The following PHF14 variants were observed in gnomAD, a reference collection of about 807,000 sequenced individuals.
PHF14 encodes PHD finger protein 14.
Under a neutral mutation model 117.9 loss-of-function variants are expected in PHF14, and 55 were observed. The ratio of observed to expected loss-of-function variants is 0.47; its 90% CI spans 0.38 to 0.58. The LOEUF (loss-of-function observed/expected upper bound fraction) is 0.58. Among genes scored for constraint, PHF14 ranks in the 20% least tolerant of loss-of-function variants. PHF14 has a pLI of 0.00. For missense variants in PHF14, 978 were observed against 1,122.2 expected (o/e 0.87, Z 1.84); for synonymous variants, 409 against 368.6 (o/e 1.11, Z -1.26).
intron 16 of PHF14, chr7:11,110,636 T>A: frequency 2.2e-6 from 1 of 451,274 alleles, no homozygotes; most frequent in Non-Finnish European, 2.9e-6. Flanking sequence ...TAGGAAGTAC[T>A]TTGTAAAACC....
At position 11,148,070 on chromosome 7, in the gene PHF14, A is replaced by G. The variant is rs551734624; in HGVS notation, c.2773-21346A>G. On this transcript the variant is annotated intron_variant, in intron 17 of 17. Transcript: ENST00000634607. ...TTTGTTTAATTCCAAAGCATATCAT[A>G]CTTCTTTCCGTTCTGACTACATTAC... Among the ~76,000 whole-genome samples, 8 of 152,266 alleles carry G rather than the reference A, an allele frequency of 5.3e-5. No homozygotes were observed. In the South Asian group the frequency reaches 1.7e-3, roughly 32 times the overall value.
chr7:11,062,432 G>A (rs1192610508), intron 16 of PHF14: 1 of 158,666 alleles, frequency 6.3e-6, no homozygotes, highest in Non-Finnish European at 1.4e-5. Flanking sequence ...AAACAATAAA[G>A]TTACTAAGCT....
chr7:11,000,869 A>T (rs571777510), intron 4 of PHF14, among the ~76,000 whole-genome samples: 141 of 152,282 alleles, frequency 9.3e-4, no homozygotes, highest in African/African-American at 3.2e-3. Flanking sequence ...ATTTTAATGG[A>T]GTCCAACTTA....
At chr7:11,119,593 C>CCA (rs1554274981) in intron 17 of PHF14, among the ~76,000 whole-genome samples, 1 of 151,418 alleles carries the variant, frequency 6.6e-6, no homozygotes, top group Non-Finnish European at 1.5e-5. Flanking sequence ...ATCCTGGCTT[C>CCA]AAAAAAACAA....
At chr7:10,977,166 A>T (rs1370058384) in intron 2 of PHF14, among the ~76,000 whole-genome samples, 1 of 152,042 alleles carries the variant, frequency 6.6e-6, no homozygotes, top group East Asian at 1.9e-4. Flanking sequence ...TAGTCCTATC[A>T]CTGGTTTCCA....
chr7:11,102,587 A>G, intron 16 of PHF14: 1 of 1,591,168 alleles, frequency 6.3e-7, no homozygotes, highest in South Asian at 1.1e-5. Context: ...TAAACTCTCG[A>G]TAGAGTACAT....
At chr7:10,985,636 CT>C (rs1782193488) in intron 3 of PHF14, among the ~76,000 whole-genome samples, 1 of 90,864 alleles carries the variant, frequency 1.1e-5, no homozygotes, top group South Asian at 3.6e-4. Flanking sequence ...GATTCTCAAA[CT>C]GTTTTTTTTT....
At position 11,167,387 on chromosome 7, in the gene PHF14, C is replaced by T. The variant is rs146010102; in HGVS notation, c.2773-2029C>T. Among the ~76,000 whole-genome samples the T allele has an allele frequency of 2.0e-5, 3 of 152,288 alleles. No homozygotes were observed. In the East Asian group the frequency reaches 5.8e-4, roughly 29 times the overall value. On this transcript the variant is annotated intron_variant, in intron 17 of 17. Transcript: ENST00000634607. The stretch of plus-strand genomic sequence containing the variant: ...GTTAAGATTGCTAGAAGTGTGAGTA[C>T]TAGCAATCTTAATTTACGATAGTTA...
chr7:11,002,341 G>T (rs1000696139), intron 4 of PHF14, among the ~76,000 whole-genome samples: 2 of 152,092 alleles, frequency 1.3e-5, no homozygotes, highest in South Asian at 2.1e-4. Context: ...GTAGGTCAAG[G>T]GGGGAGCCAG....
chr7:11,088,469 A>G (rs919078464), intron 16 of PHF14, among the ~76,000 whole-genome samples: 3 of 152,150 alleles, frequency 2.0e-5, no homozygotes, highest in African/African-American at 7.2e-5. Flanking sequence ...TCAAATTTTT[A>G]TGCATTAATA....
At chr7:11,029,945 C>G (rs1282319957) in intron 7 of PHF14, among the ~76,000 whole-genome samples, 1 of 151,680 alleles carries the variant, frequency 6.6e-6, no homozygotes, top group Non-Finnish European at 1.5e-5. Context: ...AGCAAAGATA[C>G]TCTGATGAAG....
intron 17 of PHF14, among the ~76,000 whole-genome samples, chr7:11,156,685 C>T (rs1383583977): frequency 1.3e-5 from 2 of 152,042 alleles, no homozygotes; most frequent in Non-Finnish European, 2.9e-5. Flanking sequence ...ATCCCAGCTA[C>T]TCGGGAAGCT....
chr7:10,991,424 C>T (rs1387923113), intron 4 of PHF14, among the ~76,000 whole-genome samples: 1 of 152,030 alleles, frequency 6.6e-6, no homozygotes, highest in African/African-American at 2.4e-5. Context: ...GATCCACCCG[C>T]CTTGGCCACC....
In PHF14 at chr7:11,090,080, C is replaced by G. The variant is rs1452227119; in HGVS notation, c.2655-21270C>G. ...GCCACCTCACTTGGCCTGTTCATGC[C>G]TTCTTTATGTGTGTACGTGTGTCAT... On this transcript the variant is annotated intron_variant, in intron 16 of 17. Coordinates refer to ENST00000634607, the MANE Select transcript of PHF14 (RefSeq NM_001007157.2). Among the ~76,000 whole-genome samples the G allele has an allele frequency of 2.0e-5, 3 of 152,114 alleles. No homozygotes were observed. In the South Asian group the frequency reaches 6.2e-4, roughly 32 times the overall value.
chr7:10,990,907 G>T (rs1782425981), intron 4 of PHF14, 60 bp downstream of exon 4: 1 of 1,186,494 alleles, frequency 8.4e-7, no homozygotes, highest in African/African-American at 1.5e-5. Flanking sequence ...TTTTACATTT[G>T]TACTAAGGTG....
chr7:10,979,957 CAT>C (rs1340039676), intron 2 of PHF14, among the ~76,000 whole-genome samples: 1 of 151,948 alleles, frequency 6.6e-6, no homozygotes, highest in Non-Finnish European at 1.5e-5. Flanking sequence ...AGTTAACAAA[CAT>C]AAAACATTAA....
intron 6 of PHF14, 120 bp downstream of exon 6, chr7:11,023,099 C>T: frequency 1.9e-6 from 1 of 518,456 alleles, no homozygotes; most frequent in Non-Finnish European, 3.5e-6. Flanking sequence ...TTCTATTTAG[C>T]ACTAAATCAT....
chr7:10,994,230 A>G (rs1782554934), intron 4 of PHF14, among the ~76,000 whole-genome samples: 1 of 152,034 alleles, frequency 6.6e-6, no homozygotes, highest in African/African-American at 2.4e-5. Context: ...TTGAGGTCAG[A>G]AGTTCAAGGC....
intron 13 of PHF14, among the ~76,000 whole-genome samples, chr7:11,046,795 G>A (rs1784679292): frequency 1.3e-5 from 2 of 151,590 alleles, no homozygotes; most frequent in African/African-American, 4.8e-5. Context: ...ACCTCTTAAA[G>A]TTTTATGTAG....
Sources: gnomAD v4.1 joint callset for allele counts (sites outside exome capture counted in the v4.1 genomes callset) on GRCh38, gnomAD v4.1.1 for gene constraint, MANE v1.5 for transcripts, NCBI Gene and HGNC (gene_info 2026-07-23, HGNC 2026-07-21) for gene names.